Variants in PTPN12 observed in about 807,000 individuals in gnomAD.
PTPN12 encodes protein tyrosine phosphatase non-receptor type 12, also known as tyrosine-protein phosphatase non-receptor type 12.
In PTPN12, 29 loss-of-function variants were observed where a neutral mutation model predicts 97.6. The ratio of observed to expected loss-of-function variants is 0.30; its 90% CI spans 0.22 to 0.41. The LOEUF is 0.41. PTPN12 is among the 10% of genes least tolerant of loss of function. The pLI, the probability that PTPN12 is intolerant of heterozygous loss-of-function variation, is 1.00. For missense variants in PTPN12, 819 were observed against 926.0 expected (o/e 0.88, Z 1.50); for synonymous variants, 327 against 300.4 (o/e 1.09, Z -0.91).
At chr7:77,609,080 C>T (rs1224924562) in intron 9 of PTPN12, among the ~76,000 whole-genome samples, 1 of 151,890 alleles carries the variant, frequency 6.6e-6, no homozygotes, top group Non-Finnish European at 1.5e-5. Context: ...ATTAGCCAGG[C>T]GTGGTGGCCG....
At chr7:77,639,186 C>CACTGAATA in intron 17 of PTPN12, 33 bp from the exon 18 acceptor site, 1 of 1,548,338 alleles carries the variant, frequency 6.5e-7, no homozygotes, top group African/African-American at 1.4e-5. Flanking sequence ...TATTTCTGAA[C>CACTGAATA]ACTGACTAGT....
intron 15 of PTPN12, 85 bp downstream of exon 15, chr7:77,635,934 C>A: frequency 1.2e-6 from 1 of 857,740 alleles, no homozygotes. Flanking sequence ...AAATAGCTGT[C>A]ATCTTAAGAT....
intron 1 of PTPN12, among the ~76,000 whole-genome samples, chr7:77,550,454 T>C (rs1807430787): frequency 1.3e-5 from 2 of 152,344 alleles, no homozygotes; most frequent in South Asian, 4.1e-4. Flanking sequence ...TTTACTTTTA[T>C]AAGTGATGAT....
intron 9 of PTPN12, among the ~76,000 whole-genome samples, chr7:77,609,045 C>T (rs1205846902): frequency 2.0e-5 from 3 of 151,922 alleles, no homozygotes; most frequent in Admixed American, 2.0e-4. Flanking sequence ...CATGGTGAAA[C>T]CCCATTTCTA....
intron 1 of PTPN12, among the ~76,000 whole-genome samples, chr7:77,564,746 GTT>G (rs764476553): frequency 2.0e-4 from 9 of 45,400 alleles, no homozygotes; most frequent in Non-Finnish European, 2.7e-4. Context: ...TTGTTGTCGT[GTT>G]TTTTTTTTTT....
chr7:77,609,232 A>G lies in PTPN12; in HGVS notation c.763-1533A>G, dbSNP rs558027990. On this transcript the variant is annotated intron_variant, in intron 9 of 17. Transcript: ENST00000248594. ...AAGACTCCGTCTCAAAAAATAAAAT[A>G]AAATAAAAGTTGTGTATTTTGAACA... 2.8e-4 allele frequency among the ~76,000 whole-genome samples: 43 copies of G among 151,982 alleles called. 1 individual carries two copies. The highest frequency in any genetic ancestry group is 6.5e-4 in the Admixed American group (10 of 15,270).
chr7:77,601,458 C>G (rs1426640756), intron 8 of PTPN12, among the ~76,000 whole-genome samples: 1 of 152,170 alleles, frequency 6.6e-6, no homozygotes, highest in Non-Finnish European at 1.5e-5. Context: ...CCACTTTGCT[C>G]TCCCAGAGTC....
intron 5 of PTPN12, among the ~76,000 whole-genome samples, chr7:77,591,383 C>T (rs953943798): frequency 6.6e-6 from 1 of 152,148 alleles, no homozygotes; most frequent in Non-Finnish European, 1.5e-5. Context: ...CTGAATCATT[C>T]TATTTTCCAT....
intron 8 of PTPN12, chr7:77,604,807 A>G: frequency 5.4e-6 from 2 of 368,588 alleles, no homozygotes; most frequent in South Asian, 2.1e-5. Context: ...ATATATATAT[A>G]TTTTTATCCA....
chr7:77,569,600 G>T (rs981806294), intron 1 of PTPN12, among the ~76,000 whole-genome samples: 1 of 152,106 alleles, frequency 6.6e-6, no homozygotes, highest in African/African-American at 2.4e-5. Flanking sequence ...GTGAAACGCT[G>T]TCTCTACTAA....
intron 12 of PTPN12, among the ~76,000 whole-genome samples, chr7:77,620,031 TC>T (rs1447819417): frequency 6.6e-6 from 1 of 152,182 alleles, no homozygotes; most frequent in Non-Finnish European, 1.5e-5. Flanking sequence ...ACTTCTCTGT[TC>T]CATATAGGAG....
At position 77,619,302 on chromosome 7, in the gene PTPN12, A is replaced by G. The variant is rs74330297; in HGVS notation, c.1025+737A>G. The stretch of plus-strand genomic sequence containing the variant: ...CAAAATAAATTCTTTTATACAGGAT[A>G]CACCAATTGTTTCCATCTTAAAACT... On this transcript the variant is annotated intron_variant, in intron 12 of 17. Coordinates refer to ENST00000248594, the MANE Select transcript of PTPN12 (RefSeq NM_002835.4). Among the ~76,000 whole-genome samples the G allele has an allele frequency of 7.6e-3, 1,156 of 152,328 alleles. 42 individuals are homozygous for G. Among genetic ancestry groups the G allele is most frequent in the Admixed American group, 0.053 (816 of 15,292 alleles).
chr7:77,635,530 A>T (rs1200817494), intron 14 of PTPN12, among the ~76,000 whole-genome samples: 3 of 152,236 alleles, frequency 2.0e-5, no homozygotes, highest in African/African-American at 7.2e-5. Flanking sequence ...CATTATCTAT[A>T]GACTGTAATA....
chr7:77,617,075 G>A (rs1411515715), intron 11 of PTPN12, among the ~76,000 whole-genome samples: 1 of 152,136 alleles, frequency 6.6e-6, no homozygotes, highest in Non-Finnish European at 1.5e-5. Flanking sequence ...GAGCCACTGC[G>A]CCCAGCCTAG....
chr7:77,558,230 AAAAG>A (rs1021666847), intron 1 of PTPN12, among the ~76,000 whole-genome samples: 3 of 151,678 alleles, frequency 2.0e-5, no homozygotes, highest in Non-Finnish European at 4.4e-5. Context: ...AAAAAAAAGA[AAAAG>A]AAAAAAGAAA....
At chr7:77,581,112 G>A (rs562002093) in intron 2 of PTPN12, among the ~76,000 whole-genome samples, 12 of 151,864 alleles carry the variant, frequency 7.9e-5, no homozygotes, top group African/African-American at 2.4e-4. Flanking sequence ...TCACTCTGTC[G>A]CCCAGGCTAG....
intron 9 of PTPN12, 146 bp from the exon 10 acceptor site, chr7:77,610,619 C>G: frequency 1.2e-6 from 1 of 834,890 alleles, no homozygotes; most frequent in East Asian, 2.8e-5. Context: ...CAGTGCCAAG[C>G]ACAGTGTCTG....
At chr7:77,572,866 C>T (rs1166609463) in intron 2 of PTPN12, among the ~76,000 whole-genome samples, 5 of 152,014 alleles carry the variant, frequency 3.3e-5, no homozygotes, top group African/African-American at 4.8e-5. Context: ...TGGTGGATCA[C>T]GAGGTCAGGA....
At chr7:77,556,920 G>A (rs990044690) in intron 1 of PTPN12, among the ~76,000 whole-genome samples, 21 of 152,036 alleles carry the variant, frequency 1.4e-4, no homozygotes, top group African/African-American at 4.6e-4. Context: ...ACAAAAATGT[G>A]GGGTCCCCTT....
Sources: allele counts gnomAD v4.1 joint callset (sites outside exome capture counted in the v4.1 genomes callset), GRCh38; gene constraint gnomAD v4.1.1; transcripts MANE v1.5; gene names NCBI Gene and HGNC (gene_info 2026-07-23, HGNC 2026-07-21).